QSOX1: variants seen among roughly 807,000 people sequenced by gnomAD.
QSOX1 encodes quiescin sulfhydryl oxidase 1, also known as sulfhydryl oxidase 1.
A neutral mutation model predicts 76.1 loss-of-function variants in QSOX1; 40 were observed. The observed-to-expected ratio is 0.53, with a 90% CI of 0.41 to 0.68. QSOX1 has a LOEUF of 0.68. Ranked by LOEUF, QSOX1 falls within the 30% of genes least tolerant of loss-of-function variation. The probability of loss-of-function intolerance (pLI) is 0.00; values close to 1 mark genes in which losing one functional copy is unlikely to be tolerated. For missense variants in QSOX1, 931 were observed against 974.3 expected (o/e 0.96, Z 0.59); for synonymous variants, 392 against 413.1 (o/e 0.95, Z 0.62).
chr1:180,157,868 T>G (rs369469603), intron 1 of QSOX1, among the ~76,000 whole-genome samples: 3 of 152,218 alleles, frequency 2.0e-5, no homozygotes, highest in East Asian at 3.9e-4. Flanking sequence ...GAAGGAAAAT[T>G]GGCAACTGTT....
chr1:180,186,118 G>A lies in QSOX1; in HGVS notation c.953G>A (p.Arg318Lys). ...TACATCCTGCGGATAGAAGTGGGCA[G>A]GTTCCCGGTCCTGGAAGGGCAGCGC... is the stretch of plus-strand genomic sequence containing the variant. The part of the protein sequence containing the change: ...LHYILRIEVG[R>K]FPVLEGQRLV... Residue 318 changes from arginine to lysine, a missense_variant, in exon 8 of 12, where the codon AGG becomes AAG. Physicochemically the swap from Arg to Lys is conservative, Grantham distance 26 (BLOSUM62 2). Coordinates refer to ENST00000367602, the MANE Select transcript of QSOX1 (RefSeq NM_002826.5). 1 of 1,614,240 alleles carries A rather than the reference G, an allele frequency of 6.2e-7. No individual in the cohort carries two copies. The highest frequency in any genetic ancestry group is 1.1e-5 in the South Asian group (1 of 91,090).
chr1:180,157,756 C>T (rs1194590544), intron 1 of QSOX1, among the ~76,000 whole-genome samples: 6 of 152,148 alleles, frequency 3.9e-5, no homozygotes, highest in Admixed American at 3.3e-4. Context: ...TGGTTGTATC[C>T]AATTTAGACC....
intron 2 of QSOX1, among the ~76,000 whole-genome samples, chr1:180,169,121 G>A (rs1017701799): frequency 2.6e-5 from 4 of 152,232 alleles, no homozygotes; most frequent in African/African-American, 9.6e-5. Flanking sequence ...CCTGAAGGGC[G>A]GGCCAGCTGT....
rs56178383 is a variant in QSOX1, at chr1:180,195,998, C to T, written c.1469-264C>T. Among the ~76,000 whole-genome samples, 972 of 152,280 alleles carry T rather than the reference C, an allele frequency of 6.4e-3. 10 individuals are homozygous for T. The highest frequency in any genetic ancestry group is 0.022 in the African/African-American group (911 of 41,550). On this transcript the variant is annotated intron_variant, in intron 11 of 11. Transcript: ENST00000367602. The stretch of plus-strand genomic sequence containing the variant: ...CAACACCGGGAAATGACTGAGATGG[C>T]GCTCTTCACGCTTCCCTGGAAAACC...
chr1:180,154,991 C>A lies in QSOX1; in HGVS notation c.84C>A (p.Asn28Lys). The A allele has an allele frequency of 6.6e-7, 1 of 1,509,494 alleles. No homozygotes were observed. Among genetic ancestry groups the A allele is most frequent in the Non-Finnish European group, 8.8e-7 (1 of 1,136,602 alleles). 93.5% of individuals were successfully genotyped at this position (1,509,494 alleles called of 1,614,324 possible). ...GGCTGCTCGCGGTTCCCGGCGCTAA[C>A]GCGGCCCCGCGGTCGGCGCTCTATT... is the stretch of plus-strand genomic sequence containing the variant. ...LLWLLAVPGA[N>K]AAPRSALYSP... Residue 28 changes from asparagine to lysine, a missense_variant, in exon 1 of 12, where the codon AAC (asparagine) becomes AAA (lysine). By Grantham distance (94) the Asn-to-Lys change is moderately conservative. Transcript: ENST00000367602.
Position 180,155,025 on chromosome 1 carries a change from G to C in QSOX1, c.118G>C (p.Asp40His). 1 of 1,513,498 alleles carries C rather than the reference G, an allele frequency of 6.6e-7. No homozygotes were observed. Among genetic ancestry groups the C allele is most frequent in the Non-Finnish European group, 8.8e-7 (1 of 1,138,180 alleles). 93.8% of individuals were successfully genotyped at this position (1,513,498 alleles called of 1,614,324 possible). The change falls in exon 1 of 12, where the codon GAC becomes CAC. Residue 40 changes from aspartate (D) to histidine (H), a missense_variant. Transcript: ENST00000367602. The stretch of plus-strand genomic sequence containing the variant: ...GCGGTCGGCGCTCTATTCGCCTTCC[G>C]ACCCGCTGACGCTGCTGCAGGCGGA... ...APRSALYSPS[D>H]PLTLLQADTV...
At chr1:180,172,454 G>A (rs980290515) in intron 2 of QSOX1, among the ~76,000 whole-genome samples, 1 of 152,166 alleles carries the variant, frequency 6.6e-6, no homozygotes, top group African/African-American at 2.4e-5. Flanking sequence ...CACTCTGGCT[G>A]ACCGAGGTTC....
In QSOX1 at chr1:180,201,332, C is replaced by T. The variant is rs1026536484; in HGVS notation, c.*4295C>T. On this transcript the variant is annotated 3_prime_UTR_variant, in exon 12 of 12. Coordinates refer to ENST00000367602, the MANE Select transcript of QSOX1 (RefSeq NM_002826.5). The stretch of plus-strand genomic sequence containing the variant: ...GAGGGGAGAGCTCACTCACACCAGC[C>T]TGACAGTCTTGGGGCAGAGCGCCCC... 1.3e-5 allele frequency: 2 copies of T among 152,180 alleles called. No individual in the cohort carries two copies. Among genetic ancestry groups the T allele is most frequent in the African/African-American group, 2.4e-5 (1 of 41,416 alleles). The allele number at this position is 152,180 out of a possible 1,614,324, so 9.4% of individuals were successfully genotyped here. A position where few individuals can be genotyped will look rare whatever the true frequency, so the allele number is the denominator to read the frequency against.
At position 180,197,953 on chromosome 1, in the gene QSOX1, G is replaced by C. The variant is rs1267145420; in HGVS notation, c.*916G>C. 2.9e-6 allele frequency: 1 copy of C among 350,418 alleles called. No individual in the cohort carries two copies. Among genetic ancestry groups the C allele is most frequent in the Admixed American group, 3.8e-5 (1 of 26,610 alleles). 21.7% of individuals were successfully genotyped at this position (350,418 alleles called of 1,614,324 possible). On this transcript the variant is annotated 3_prime_UTR_variant, in exon 12 of 12. Coordinates refer to ENST00000367602, the MANE Select transcript of QSOX1 (RefSeq NM_002826.5). The stretch of plus-strand genomic sequence containing the variant: ...GCAGAAGTTAGAAGGGTCTGGCGGG[G>C]GCAGTGCCTTACACATGCTTGATTC...
intron 1 of QSOX1, among the ~76,000 whole-genome samples, chr1:180,159,194 C>G (rs1400582106): frequency 6.6e-6 from 1 of 152,200 alleles, no homozygotes; most frequent in Non-Finnish European, 1.5e-5. Flanking sequence ...TCCATTTATT[C>G]TGTGGTTGGT....
chr1:180,178,736 C>T (rs75579085), intron 4 of QSOX1, 58 bp from the exon 5 acceptor site: 5 of 1,497,220 alleles, frequency 3.3e-6, no homozygotes, highest in South Asian at 2.3e-5. Context: ...GCGTTGCCAG[C>T]GGTTTTGTCT....
In QSOX1 at chr1:180,196,641, A is replaced by C. The variant is rs1480604164; in HGVS notation, c.1848A>C (p.Ala616=). 1 of 1,614,032 alleles carries C rather than the reference A, an allele frequency of 6.2e-7. No individual in the cohort carries two copies. Among genetic ancestry groups the C allele is most frequent in the African/African-American group, 1.3e-5 (1 of 74,948 alleles). The change falls in exon 12 of 12, where the codon GCA becomes GCC. Residue 616 remains alanine (A), a synonymous_variant. Transcript: ENST00000367602. The surrounding 1 kb of genome is among the most constrained non-coding windows in gnomAD (Gnocchi z 4.1). ...AGCTGCACCCTGGCCTCAGAGCTGC[A>C]CCAGGCCAGGAGCCTCCTGAGCACA... is the stretch of plus-strand genomic sequence containing the variant. The part of the protein sequence containing the change: ...PPKLHPGLRA[A]PGQEPPEHMA...
intron 1 of QSOX1, among the ~76,000 whole-genome samples, chr1:180,159,983 G>T (rs545939141): frequency 2.6e-5 from 4 of 152,166 alleles, no homozygotes; most frequent in Non-Finnish European, 5.9e-5. Flanking sequence ...ATAGGTTAAG[G>T]TGTCCTCATT....
intron 4 of QSOX1, among the ~76,000 whole-genome samples, chr1:180,177,029 C>A (rs1332508984): frequency 6.6e-6 from 1 of 152,194 alleles, no homozygotes; most frequent in Non-Finnish European, 1.5e-5. Context: ...CTGGATACAG[C>A]ATAGTCTTTA....
At chr1:180,182,146 GC>G (rs751988347) in intron 5 of QSOX1, 27 bp from the exon 6 acceptor site, 1 of 1,611,850 alleles carries the variant, frequency 6.2e-7, no homozygotes, top group Non-Finnish European at 8.5e-7. Context: ...CGGTGGCCTG[GC>G]CCCCAGATGT....
intron 5 of QSOX1, among the ~76,000 whole-genome samples, chr1:180,181,711 C>A (rs1663041025): frequency 6.6e-6 from 1 of 152,132 alleles, no homozygotes. Context: ...CTAAAGGGAT[C>A]TTTTCCCTTT....
chr1:180,158,951 C>T (rs1662431550), intron 1 of QSOX1, among the ~76,000 whole-genome samples: 2 of 152,226 alleles, frequency 1.3e-5, no homozygotes, highest in South Asian at 4.1e-4. Context: ...ATGTGGAGCT[C>T]ACGGTGCTGC....
chr1:180,194,496 C>A, intron 11 of QSOX1, 104 bp downstream of exon 11: 2 of 1,163,902 alleles, frequency 1.7e-6, no homozygotes, highest in Non-Finnish European at 2.4e-6. Flanking sequence ...CACTCATTGT[C>A]CCCTCAGTCA....
chr1:180,179,030 A>T, intron 5 of QSOX1, 146 bp downstream of exon 5: 2 of 678,822 alleles, frequency 2.9e-6, no homozygotes, highest in Admixed American at 2.7e-5. Flanking sequence ...GCTGGGAGCC[A>T]TGGGAAGTGC....
Sources: allele counts gnomAD v4.1 joint callset (sites outside exome capture counted in the v4.1 genomes callset), GRCh38; gene constraint gnomAD v4.1.1; non-coding constraint Gnocchi (gnomAD v3.1); transcripts MANE v1.5; gene names NCBI Gene and HGNC (gene_info 2026-07-23, HGNC 2026-07-21).